SPTBN4: variants seen among roughly 807,000 people sequenced by gnomAD.
The protein encoded by SPTBN4 is spectrin beta chain, non-erythrocytic 4.
In SPTBN4, 96 loss-of-function variants were observed where a neutral mutation model predicts 277.8. The ratio of observed to expected loss-of-function variants is 0.35; its 90% CI spans 0.29 to 0.41. The LOEUF is 0.41. Among genes scored for constraint, SPTBN4 ranks in the 10% least tolerant of loss-of-function variants. SPTBN4 has a pLI of 1.00. For missense variants in SPTBN4, 3,006 were observed against 3,595.7 expected, an observed-to-expected ratio of 0.84 and a Z score of 4.19; for synonymous variants, 1,481 against 1,580.3, an observed-to-expected ratio of 0.94 and a Z score of 1.49.
rs767215372 is a variant in SPTBN4, at chr19:40,497,587, G to A, written c.767G>A (p.Arg256Gln). 2.4e-5 allele frequency: 39 copies of A among 1,613,692 alleles called. No individual in the cohort carries two copies. Among genetic ancestry groups the A allele is most frequent in the South Asian group, 5.5e-5 (5 of 91,088 alleles). ...RTAEQHLGLA[R>Q]LLDPEDVNME... ...GCTGAGCAGCACCTGGGGCTGGCGCGGCTGCTGGATCCTGAAGGTGAGCCT... is the reference window on the plus strand; with the variant it reads ...GCTGAGCAGCACCTGGGGCTGGCGCAGCTGCTGGATCCTGAAGGTGAGCCT... Residue 256 changes from arginine (R) to glutamine (Q), a missense_variant, in exon 7 of 36, where the codon CGG becomes CAG. Physicochemically the swap from Arg to Gln is conservative, Grantham distance 43. Around this residue, in one of 5 missense-constraint regions of SPTBN4, gnomAD observed 1,759 missense variants for 2,061.5 expected, o/e 0.85. Transcript: ENST00000598249.
At chr19:40,499,539 A>T (rs899336098) in intron 7 of SPTBN4, among the ~76,000 whole-genome samples, 6 of 150,884 alleles carry the variant, frequency 4.0e-5, no homozygotes, top group Non-Finnish European at 7.4e-5. Context: ...ATAGGCGTGC[A>T]CGACCATGCT....
In SPTBN4 at chr19:40,532,629, A is replaced by G. The variant is rs770138870; in HGVS notation, c.3953A>G (p.Asp1318Gly). 7 of 1,612,776 alleles carry G rather than the reference A, an allele frequency of 4.3e-6. No individual in the cohort carries two copies. In the African/African-American group the frequency reaches 5.3e-5, roughly 12 times the overall value. Residue 1318 changes from aspartate to glycine, a missense_variant, in exon 19 of 36, where the codon GAT (aspartate) becomes GGT (glycine). Asp to Gly is a moderately conservative substitution (Grantham distance 94). Transcript: ENST00000598249. ...CTCCTGCCCTGTTCTGCACAGCTGGATGGCTGGATCCATGAGAAGATGCTG... is the reference window on the plus strand; with the variant it reads ...CTCCTGCCCTGTTCTGCACAGCTGGGTGGCTGGATCCATGAGAAGATGCTG... ...QHFLRDCHELDGWIHEKMLMA... is the reference protein window; with the variant it reads ...QHFLRDCHELGGWIHEKMLMA...
intron 26 of SPTBN4, among the ~76,000 whole-genome samples, chr19:40,558,947 T>TATGATGATGATGATG (rs1555718858): frequency 1.3e-4 from 19 of 146,164 alleles, no homozygotes; most frequent in African/African-American, 4.9e-4. Context: ...TTATTATTAT[T>TATGATGATGATGATG]ATGAGGCAGA....
chr19:40,553,055 T>C (rs1424153965), intron 22 of SPTBN4, among the ~76,000 whole-genome samples: 2 of 152,186 alleles, frequency 1.3e-5, no homozygotes, highest in African/African-American at 4.8e-5. Flanking sequence ...GCCTCAGTCT[T>C]CTCATCTGTA....
In SPTBN4 at chr19:40,499,874, T is replaced by A. The variant is rs570760362; in HGVS notation, c.785-2047T>A. ...TCAGTGCCTGGTACGTAGTAGGTGC[T>A]AATGGATGTCAGTTGGACAAGGCAG... On this transcript the variant is annotated intron_variant, in intron 7 of 35. Transcript: ENST00000598249. 2.0e-5 allele frequency among the ~76,000 whole-genome samples: 3 copies of A among 152,066 alleles called. No homozygotes were observed. The South Asian group carries it at 6.2e-4, about 32-fold the overall frequency.
chr19:40,501,527 G>T (rs1220688740), intron 7 of SPTBN4, among the ~76,000 whole-genome samples: 1 of 152,060 alleles, frequency 6.6e-6, no homozygotes, highest in Non-Finnish European at 1.5e-5. Flanking sequence ...AATTAGCCAG[G>T]CATGGTGGTG....
chr19:40,570,869 G>A, intron 33 of SPTBN4, 141 bp downstream of exon 33: 2 of 924,594 alleles, frequency 2.2e-6, no homozygotes, highest in Non-Finnish European at 3.0e-6. Context: ...CAGAGCTGGG[G>A]GGTGGTGGTG....
chr19:40,547,402 G>A (rs2080870758), intron 20 of SPTBN4, among the ~76,000 whole-genome samples: 1 of 152,092 alleles, frequency 6.6e-6, no homozygotes. Flanking sequence ...GTGTATATGT[G>A]CCACATTTTC....
intron 16 of SPTBN4, 75 bp downstream of exon 16, chr19:40,520,226 G>A (rs147197241): frequency 8.5e-6 from 11 of 1,289,990 alleles, no homozygotes; most frequent in African/African-American, 7.8e-5. Context: ...AGGGACATGC[G>A]GGGGTGGGGA....
At chr19:40,535,213 G>A (rs1429346710) in intron 20 of SPTBN4, among the ~76,000 whole-genome samples, 2 of 151,998 alleles carry the variant, frequency 1.3e-5, no homozygotes, top group Non-Finnish European at 2.9e-5. Flanking sequence ...ATACCACCAC[G>A]TCTGGATAAT....
Position 40,490,222 on chromosome 19 carries a change from G to A in SPTBN4, c.469G>A (p.Val157Ile), listed in dbSNP as rs1312005770. The A allele has an allele frequency of 6.2e-7, 1 of 1,614,130 alleles. No homozygotes were observed. The highest frequency in any genetic ancestry group is 8.5e-7 in the Non-Finnish European group (1 of 1,179,992). Residue 157 changes from valine (V) to isoleucine (I), a missense_variant, in exon 4 of 36, where the codon GTC becomes ATC. Around this residue, in one of 5 missense-constraint regions of SPTBN4, gnomAD observed 114 missense variants for 196.1 expected, o/e 0.58. Coordinates refer to ENST00000598249, the MANE Select transcript of SPTBN4 (RefSeq NM_020971.3). This position sits in a 1 kb window ranked among gnomAD's most constrained non-coding sequence, Gnocchi z 4.3. ...GAATCACCGGCTGACGCTGGGGCTG[G>A]TCTGGACCATCATCCTGCGCTTCCA... is the stretch of plus-strand genomic sequence containing the variant. ...DGNHRLTLGL[V>I]WTIILRFQIQ...
At chr19:40,487,899 T>A in intron 3 of SPTBN4, 51 bp downstream of exon 3, 1 of 1,513,578 alleles carries the variant, frequency 6.6e-7, no homozygotes, top group Non-Finnish European at 8.8e-7. Flanking sequence ...GGTCTCAGGC[T>A]GGGGGTTGGG....
At position 40,568,062 on chromosome 19, in the gene SPTBN4, AGGC is replaced by A. The variant is rs1188039936; in HGVS notation, c.6743_6745del (p.Arg2248del). Reference sequence around the variant, plus strand: ...TGATCGCGCGGAGGAGCTGCCCAGGAGGCGGCGGCCTGAGCGGCAAGAGTCAGT... The same window carrying A: ...TGATCGCGCGGAGGAGCTGCCCAGGAGGCGGCCTGAGCGGCAAGAGTCAGT... On this transcript the variant is annotated inframe_deletion, in exon 31 of 36. Transcript: ENST00000598249. The A allele has an allele frequency of 6.4e-7, 1 of 1,558,886 alleles. No individual in the cohort carries two copies. Among genetic ancestry groups the A allele is most frequent in the Non-Finnish European group, 8.7e-7 (1 of 1,152,148 alleles).
chr19:40,485,604 G>A (rs1037902533), intron 2 of SPTBN4, among the ~76,000 whole-genome samples: 1 of 152,056 alleles, frequency 6.6e-6, no homozygotes, highest in Non-Finnish European at 1.5e-5. Context: ...ACAGAAGGTT[G>A]AGACCAGCCT....
chr19:40,513,305 T>A lies in SPTBN4; in HGVS notation c.2516T>A (p.Leu839His). 6.4e-7 allele frequency: 1 copy of A among 1,561,306 alleles called. No homozygotes were observed. Among genetic ancestry groups the A allele is most frequent in the Non-Finnish European group, 8.6e-7 (1 of 1,156,902 alleles). Residue 839 changes from leucine (L) to histidine (H), a missense_variant, in exon 14 of 36, where the codon CTC becomes CAC. By Grantham distance (99) the Leu-to-His change is moderately conservative (BLOSUM62 -3). Around this residue, in one of 5 missense-constraint regions of SPTBN4, gnomAD observed 1,759 missense variants for 2,061.5 expected, o/e 0.85. Coordinates refer to ENST00000598249, the MANE Select transcript of SPTBN4 (RefSeq NM_020971.3). ...GGCCTGCGGCGCCAGCTGGCGACAC[T>A]CGGGGGTGCCAGTGGCGCAGGGCCA... is the stretch of plus-strand genomic sequence containing the variant. ...VSGLRRQLAT[L>H]GGASGAGPLV...
At chr19:40,495,084 AC>A in intron 6 of SPTBN4, 107 bp downstream of exon 6, 1 of 1,034,180 alleles carries the variant, frequency 9.7e-7, no homozygotes. Context: ...AGACATAAAG[AC>A]CCATCCCTTC....
rs568368892 is a variant in SPTBN4, at chr19:40,560,941, G to C, written c.5915+538G>C. The stretch of plus-strand genomic sequence containing the variant: ...GAAAAGATAGCAGGAGGATCACACA[G>C]AAGGTTTTAGGGATAAAGCCGGCAC... On this transcript the variant is annotated intron_variant, in intron 27 of 35. Coordinates refer to ENST00000598249, the MANE Select transcript of SPTBN4 (RefSeq NM_020971.3). This position sits in a 1 kb window ranked among gnomAD's most constrained non-coding sequence, Gnocchi z 5.2. Among the ~76,000 whole-genome samples, 30 of 152,250 alleles carry C rather than the reference G, an allele frequency of 2.0e-4. No individual in the cohort carries two copies. Among genetic ancestry groups the C allele is most frequent in the South Asian group, 4.1e-4 (2 of 4,828 alleles).
Position 40,513,205 on chromosome 19 carries a change from G to A in SPTBN4, c.2416G>A (p.Ala806Thr). 6.6e-7 allele frequency: 1 copy of A among 1,505,160 alleles called. No homozygotes were observed. 93.2% of individuals were successfully genotyped at this position (1,505,160 alleles called of 1,614,324 possible). Residue 806 changes from alanine to threonine, a missense_variant, in exon 14 of 36, where the codon GCT (alanine) becomes ACT (threonine). By Grantham distance (58) the Ala-to-Thr change is moderately conservative. This residue lies in a region of SPTBN4 where 1,759 missense variants were observed against 2,061.5 expected (regional missense o/e 0.85). Coordinates refer to ENST00000598249, the MANE Select transcript of SPTBN4 (RefSeq NM_020971.3). ...AAAGDFGHDE[A>T]SSRRLARQHR... ...CGCCGGTGACTTCGGCCACGACGAA[G>A]CTTCCAGCCGCCGCCTGGCGCGCCA...
chr19:40,512,782 C>T lies in SPTBN4; in HGVS notation c.1993C>T (p.Arg665Cys), dbSNP rs1341762029. The change falls in exon 14 of 36, where the codon CGT (arginine) becomes TGT (cysteine). Residue 665 changes from arginine to cysteine, a missense_variant. Physicochemically the swap from Arg to Cys is radical, Grantham distance 180. Around this residue, in one of 5 missense-constraint regions of SPTBN4, gnomAD observed 1,759 missense variants for 2,061.5 expected, o/e 0.85. Transcript: ENST00000598249. ...CGAGAGCTGGGCGCGCGACAAGGAG[C>T]GTCTCCTGGAGGCTGCGGGCGGCGG... Reference protein sequence around the residue: ...EAESWARDKERLLEAAGGGGA... With the variant: ...EAESWARDKECLLEAAGGGGA... The T allele has an allele frequency of 1.3e-6, 2 of 1,502,184 alleles. No homozygotes were observed. The highest frequency in any genetic ancestry group is 1.8e-6 in the Non-Finnish European group (2 of 1,134,812). 93.1% of individuals were successfully genotyped at this position (1,502,184 alleles called of 1,614,324 possible).
Sources: gnomAD v4.1 joint callset for allele counts (sites outside exome capture counted in the v4.1 genomes callset) on GRCh38, gnomAD v4.1.1 for gene constraint, gnomAD v4.1.1 regional missense constraint, Gnocchi (gnomAD v3.1) non-coding constraint, MANE v1.5 for transcripts, NCBI Gene and HGNC (gene_info 2026-07-23, HGNC 2026-07-21) for gene names.